F13A1: variants seen among roughly 807,000 people sequenced by gnomAD.
F13A1 encodes coagulation factor XIII A chain.
In F13A1, 47 loss-of-function variants were observed where a neutral mutation model predicts 80.1. The ratio of observed to expected loss-of-function variants is 0.59; its 90% CI spans 0.46 to 0.75. The LOEUF is 0.75. Among genes scored for constraint, F13A1 ranks in the 30% least tolerant of loss-of-function variants. The probability of loss-of-function intolerance (pLI) is 0.00; values close to 1 mark genes in which losing one functional copy is unlikely to be tolerated. For missense variants in F13A1, 817 were observed against 930.4 expected, an observed-to-expected ratio of 0.88 and a Z score of 1.59; for synonymous variants, 349 against 344.9, an observed-to-expected ratio of 1.01 and a Z score of -0.13.
intron 5 of F13A1, among the ~76,000 whole-genome samples, chr6:6,249,107 T>G (rs1757594856): frequency 6.6e-6 from 1 of 152,140 alleles, no homozygotes; most frequent in Non-Finnish European, 1.5e-5. Context: ...AAAGATCAAA[T>G]AGCAAGACAG....
chr6:6,161,383 G>C (rs146662871), intron 13 of F13A1, among the ~76,000 whole-genome samples: 39 of 152,232 alleles, frequency 2.6e-4, no homozygotes, highest in Non-Finnish European at 4.6e-4. Context: ...GTCTGGACGT[G>C]GGCCATGCAT....
At chr6:6,200,485 A>G (rs1227672109) in intron 8 of F13A1, among the ~76,000 whole-genome samples, 7 of 151,386 alleles carry the variant, frequency 4.6e-5, no homozygotes. Flanking sequence ...CGGGAGATCA[A>G]GGCTGCAGTG....
rs1757200555 is a variant in F13A1, at chr6:6,221,912, G to A, written c.1112+121C>T. The A allele has an allele frequency of 3.6e-6, 4 of 1,121,196 alleles. No individual in the cohort carries two copies. In the African/African-American group the frequency reaches 4.6e-5, roughly 13 times the overall value. 69.5% of individuals were successfully genotyped at this position (1,121,196 alleles called of 1,614,324 possible). ...CATTCTTTGACAATCAGAGTTTTCTGCCTGTGCTGTTGAATGGTCCTCAAA... is the reference window on the plus strand; with the variant it reads ...CATTCTTTGACAATCAGAGTTTTCTACCTGTGCTGTTGAATGGTCCTCAAA... On this transcript the variant is annotated intron_variant, in intron 8 of 14. Transcript: ENST00000264870.
intron 13 of F13A1, among the ~76,000 whole-genome samples, chr6:6,153,118 ATATT>A (rs1314467858): frequency 6.6e-6 from 1 of 152,236 alleles, no homozygotes; most frequent in Non-Finnish European, 1.5e-5. Context: ...TGTCCAGTAA[ATATT>A]TATTAAATTA....
chr6:6,153,972 A>G (rs561410138), intron 13 of F13A1, among the ~76,000 whole-genome samples: 1 of 152,246 alleles, frequency 6.6e-6, no homozygotes, highest in East Asian at 1.9e-4. Context: ...AAAATAGGTA[A>G]CTTGAATGAG....
rs1757772805 is a variant in F13A1, at chr6:6,261,031, C to T, written c.571+5527G>A. ...TGGCCCAGGCTGGAGTGCAGTGGTA[C>T]GATCTCGGCTCACTGCAACCTCCGC... is the stretch of plus-strand genomic sequence containing the variant. On this transcript the variant is annotated intron_variant, in intron 4 of 14. Transcript: ENST00000264870. Among the ~76,000 whole-genome samples, 4 of 152,166 alleles carry T rather than the reference C, an allele frequency of 2.6e-5. 1 individual carries two copies. The highest frequency in any genetic ancestry group is 4.1e-4 in the South Asian group (2 of 4,820).
chr6:6,185,090 TTAGGCTGTG>T (rs1349458127), intron 10 of F13A1, among the ~76,000 whole-genome samples: 1 of 152,072 alleles, frequency 6.6e-6, no homozygotes, highest in African/African-American at 2.4e-5. Flanking sequence ...ATTATTGGAC[TTAGGCTGTG>T]TGGCTCTGGA....
intron 4 of F13A1, among the ~76,000 whole-genome samples, chr6:6,259,546 T>C (rs1757749529): frequency 6.6e-6 from 1 of 152,122 alleles, no homozygotes; most frequent in African/African-American, 2.4e-5. Flanking sequence ...TGCTAAGAGA[T>C]AGAGAAATCC....
intron 10 of F13A1, among the ~76,000 whole-genome samples, chr6:6,194,299 C>T (rs975310096): frequency 1.3e-5 from 2 of 152,210 alleles, no homozygotes; most frequent in African/African-American, 4.8e-5. Flanking sequence ...CCTTCAGCCT[C>T]CACCTTCCAA....
intron 3 of F13A1, among the ~76,000 whole-genome samples, chr6:6,271,497 A>T (rs1368323676): frequency 1.3e-5 from 2 of 152,126 alleles, no homozygotes; most frequent in African/African-American, 2.4e-5. Context: ...TAGAGTATAT[A>T]ATGCCTGGAT....
At chr6:6,304,777 C>T (rs530753096) in intron 3 of F13A1, among the ~76,000 whole-genome samples, 8 of 148,568 alleles carry the variant, frequency 5.4e-5, no homozygotes, top group Non-Finnish European at 7.4e-5. Context: ...GCACCAGAAT[C>T]GCTTGAACCT....
intron 11 of F13A1, among the ~76,000 whole-genome samples, chr6:6,178,900 T>C (rs1477343305): frequency 6.6e-6 from 1 of 151,984 alleles, no homozygotes; most frequent in Non-Finnish European, 1.5e-5. Context: ...CCTGTGACAA[T>C]TGGGTGGTCT....
chr6:6,300,093 G>A (rs1360115863), intron 3 of F13A1, among the ~76,000 whole-genome samples: 1 of 145,734 alleles, frequency 6.9e-6, no homozygotes, highest in African/African-American at 2.8e-5. Context: ...ACTTGAGGAG[G>A]CAGTCTGCCT....
intron 3 of F13A1, among the ~76,000 whole-genome samples, chr6:6,276,531 T>G (rs1174986950): frequency 1.3e-5 from 2 of 152,252 alleles, no homozygotes; most frequent in Non-Finnish European, 2.9e-5. Context: ...TAGAGCAGTT[T>G]CTATTTGCTC....
chr6:6,252,722 G>T (rs556657669), intron 4 of F13A1, among the ~76,000 whole-genome samples: 2 of 152,276 alleles, frequency 1.3e-5, no homozygotes, highest in South Asian at 4.1e-4. Context: ...TTTCCAATTG[G>T]ATGTGAACAT....
At chr6:6,167,377 C>A in intron 13 of F13A1, 81 bp downstream of exon 13, 2 of 1,360,126 alleles carry the variant, frequency 1.5e-6, no homozygotes, top group Admixed American at 1.7e-5. Flanking sequence ...CACACACACA[C>A]ATACAAGCAC....
intron 3 of F13A1, among the ~76,000 whole-genome samples, chr6:6,300,182 G>C (rs909343673): frequency 3.2e-5 from 4 of 124,318 alleles, no homozygotes; most frequent in South Asian, 2.3e-4. Context: ...TAAGTGTGCA[G>C]AGGTTACTGC....
chr6:6,195,986 G>T, intron 9 of F13A1, 101 bp from the exon 10 acceptor site: 1 of 1,056,924 alleles, frequency 9.5e-7, no homozygotes, highest in East Asian at 2.5e-5. Flanking sequence ...AAAGACCAGT[G>T]TTCCCAACTT....
chr6:6,287,363 T>C (rs192955955), intron 3 of F13A1, among the ~76,000 whole-genome samples: 64 of 152,330 alleles, frequency 4.2e-4, no homozygotes, highest in South Asian at 6.2e-4. Flanking sequence ...GTTTCAATTA[T>C]GTGGGTGCAA....
Sources: gnomAD v4.1 joint callset for allele counts (sites outside exome capture counted in the v4.1 genomes callset) on GRCh38, gnomAD v4.1.1 for gene constraint, MANE v1.5 for transcripts, NCBI Gene and HGNC (gene_info 2026-07-23, HGNC 2026-07-21) for gene names.